DNAJA1: variants seen among roughly 807,000 people sequenced by gnomAD.
DNAJA1 encodes the protein DnaJ heat shock protein family (Hsp40) member A1, also known as dnaJ homolog subfamily A member 1.
DNAJA1 carries 26 observed loss-of-function variants against 47.6 expected under a neutral mutation model. The observed-to-expected ratio is 0.55, with a 90% CI of 0.40 to 0.76. DNAJA1 has a LOEUF of 0.76. DNAJA1 is among the 30% of genes least tolerant of loss of function. The pLI is 0.00. For synonymous variants in DNAJA1, 165 were observed against 158.4 expected (o/e 1.04, Z -0.31); for missense variants, 315 against 485.0 (o/e 0.65, Z 3.29).
chr9:33,025,420 G>C (rs2297217), intron 1 of DNAJA1, 37 bp downstream of exon 1: 30,460 of 152,546 alleles, frequency 0.2, 3,260 homozygotes, highest in Middle Eastern at 0.3. Flanking sequence ...TAGTCCCCTG[G>C]CTGGCGCCAT....
At chr9:33,026,719 C>T (rs1838868017) in intron 2 of DNAJA1, 94 bp from the exon 3 acceptor site, 25 of 1,563,748 alleles carry the variant, frequency 1.6e-5, no homozygotes, top group Non-Finnish European at 2.2e-5. Flanking sequence ...TAACTATGAT[C>T]ACTTCTCGGC....
chr9:33,030,755 A>G (rs571401003), intron 5 of DNAJA1, 88 bp downstream of exon 5: 1 of 1,115,814 alleles, frequency 9.0e-7, no homozygotes, highest in East Asian at 2.6e-5. Flanking sequence ...ATCATTCTTA[A>G]TTAGGTTATA....
intron 4 of DNAJA1, among the ~76,000 whole-genome samples, chr9:33,030,193 T>G (rs1838938840): frequency 6.6e-6 from 1 of 152,176 alleles, no homozygotes; most frequent in Non-Finnish European, 1.5e-5. Flanking sequence ...TCTGTGTATA[T>G]TTTAAATACA....
intron 5 of DNAJA1, among the ~76,000 whole-genome samples, chr9:33,033,243 T>C (rs905680802): frequency 5.3e-5 from 8 of 151,958 alleles, no homozygotes; most frequent in African/African-American, 1.9e-4. Context: ...CCACATGGGC[T>C]AAGGGAGTGT....
intron 5 of DNAJA1, among the ~76,000 whole-genome samples, chr9:33,031,953 A>G (rs1838969024): frequency 6.6e-6 from 1 of 152,166 alleles, no homozygotes; most frequent in African/African-American, 2.4e-5. Context: ...ACTCTTGTCA[A>G]CTTGCAAAAA....
intron 3 of DNAJA1, among the ~76,000 whole-genome samples, chr9:33,029,310 G>A (rs564065574): frequency 6.6e-6 from 1 of 152,276 alleles, no homozygotes; most frequent in South Asian, 2.1e-4. Flanking sequence ...GAGAAATTTG[G>A]CCTTCAAAAC....
In DNAJA1 at chr9:33,030,658, A is replaced by G; in HGVS notation, c.634A>G (p.Ile212Val). The stretch of plus-strand genomic sequence containing the variant: ...AGAGAAGAAAATTTTAGAAGTTCAT[A>G]TTGACAAAGGTGAGTTCTGAGTTAC... ...VREKKILEVH[I>V]DKGMKDGQKI... is the part of the protein sequence containing the mutation. The change falls in exon 5 of 9, where the codon ATT (isoleucine) becomes GTT (valine). Residue 212 changes from isoleucine to valine, a missense_variant. Ile to Val is a conservative substitution (Grantham distance 29). Around this residue, in one of 4 missense-constraint regions of DNAJA1, gnomAD observed 45 missense variants for 93.3 expected, o/e 0.48. Transcript: ENST00000330899. 6 of 1,611,694 alleles carry G rather than the reference A, an allele frequency of 3.7e-6. No homozygotes were observed. Among genetic ancestry groups the G allele is most frequent in the African/African-American group, 1.3e-5 (1 of 75,046 alleles).
rs575818060 is a variant in DNAJA1 at position 33,027,248 on chromosome 9, C to T, written c.310+258C>T. On this transcript the variant is annotated intron_variant, in intron 3 of 8. Coordinates refer to ENST00000330899, the MANE Select transcript of DNAJA1 (RefSeq NM_001539.4). ...TCAGCTCACAGCAACCTCCACCTCCCGGGTTCAAGCGATTCTCCTGCCTCA... is the reference window on the plus strand; with the variant it reads ...TCAGCTCACAGCAACCTCCACCTCCTGGGTTCAAGCGATTCTCCTGCCTCA... Among the ~76,000 whole-genome samples, 172 of 151,730 alleles carry T rather than the reference C, an allele frequency of 1.1e-3. 1 individual carries two copies. Among genetic ancestry groups the T allele is most frequent in the South Asian group, 0.011 (51 of 4,802 alleles).
chr9:33,034,037 G>GT (rs1473192334), intron 5 of DNAJA1, among the ~76,000 whole-genome samples, 179 bp from the exon 6 acceptor site: 9 of 152,210 alleles, frequency 5.9e-5, no homozygotes, highest in Admixed American at 2.0e-4. Flanking sequence ...TGCCTCTGGA[G>GT]TTTGTGTTCT....
At position 33,030,675 on chromosome 9, in the gene DNAJA1, C is replaced by A. The variant is rs1212753408; in HGVS notation, c.643+8C>A. 1.9e-6 allele frequency: 3 copies of A among 1,602,608 alleles called. No individual in the cohort carries two copies. The highest frequency in any genetic ancestry group is 2.2e-5 in the South Asian group (2 of 89,460). ...AAGTTCATATTGACAAAGGTGAGTTCTGAGTTACTTATTCTGAAGTCTTGA... is the reference window on the plus strand; with the variant it reads ...AAGTTCATATTGACAAAGGTGAGTTATGAGTTACTTATTCTGAAGTCTTGA... On this transcript the variant is annotated splice_region_variant and intron_variant, in intron 5 of 8. Coordinates refer to ENST00000330899, the MANE Select transcript of DNAJA1 (RefSeq NM_001539.4).
intron 3 of DNAJA1, 152 bp from the exon 4 acceptor site, chr9:33,029,733 C>T (rs1019778790): frequency 2.0e-6 from 1 of 507,506 alleles, no homozygotes; most frequent in African/African-American, 2.0e-5. Context: ...TCTGTGATAA[C>T]GTGAACATTC....
intron 5 of DNAJA1, among the ~76,000 whole-genome samples, chr9:33,032,970 A>C (rs555111623): frequency 4.5e-4 from 68 of 152,194 alleles, no homozygotes; most frequent in Non-Finnish European, 9.1e-4. Flanking sequence ...AATATTTTCC[A>C]TACGTAAAGG....
chr9:33,027,552 A>G (rs1838892604), intron 3 of DNAJA1, among the ~76,000 whole-genome samples: 1 of 152,062 alleles, frequency 6.6e-6, no homozygotes, highest in Non-Finnish European at 1.5e-5. Flanking sequence ...CTTAGATATT[A>G]TCAAACAAAT....
intron 5 of DNAJA1, 22 bp from the exon 6 acceptor site, chr9:33,034,194 A>C (rs978075545): frequency 1.6e-5 from 24 of 1,515,730 alleles, no homozygotes; most frequent in Non-Finnish European, 2.1e-5. Context: ...ATAAAAGTAC[A>C]AAATTAATGT....
In DNAJA1 at chr9:33,037,041, A is replaced by C; in HGVS notation, c.901A>C (p.Lys301Gln). The stretch of plus-strand genomic sequence containing the variant: ...TCAGATTGTCAAGCATGGAGATATC[A>C]AGTGTGTACTAAATGAAGGCATGCC... Reference protein sequence around the residue: ...PGQIVKHGDIKCVLNEGMPIY... With the variant: ...PGQIVKHGDIQCVLNEGMPIY... Residue 301 changes from lysine (K) to glutamine (Q), a missense_variant, in exon 8 of 9, where the codon AAG (lysine) becomes CAG (glutamine). Lys to Gln is a moderately conservative substitution (Grantham distance 53). This residue lies in a region of DNAJA1 where 162 missense variants were observed against 185.4 expected (regional missense o/e 0.87). Coordinates refer to ENST00000330899, the MANE Select transcript of DNAJA1 (RefSeq NM_001539.4). 5 of 1,612,892 alleles carry C rather than the reference A, an allele frequency of 3.1e-6. No homozygotes were observed. The highest frequency in any genetic ancestry group is 4.2e-6 in the Non-Finnish European group (5 of 1,179,778).
At chr9:33,027,884 C>G (rs1838898236) in intron 3 of DNAJA1, among the ~76,000 whole-genome samples, 1 of 151,612 alleles carries the variant, frequency 6.6e-6, no homozygotes, top group African/African-American at 2.4e-5. Context: ...ATTAGCCAGG[C>G]ATGGTGGTGC....
intron 3 of DNAJA1, among the ~76,000 whole-genome samples, chr9:33,027,649 C>G (rs1046904095): frequency 2.6e-5 from 4 of 151,910 alleles, no homozygotes; most frequent in Non-Finnish European, 5.9e-5. Context: ...GGTCAGGGTT[C>G]GAGACCAGCC....
rs1300604073 is a variant in DNAJA1 at position 33,039,057 on chromosome 9, A to G, written c.*154A>G. 4.0e-6 allele frequency: 3 copies of G among 748,018 alleles called. No homozygotes were observed. Among genetic ancestry groups the G allele is most frequent in the Admixed American group, 5.7e-5 (2 of 34,786 alleles). The allele number at this position is 748,018 out of a possible 1,614,324, so 46.3% of individuals were successfully genotyped here. ...AGTTAAATGAAGAATAAACGCAAAT[A>G]TAAAAGCTCTGATTTTGCCCTGTAT... is the stretch of plus-strand genomic sequence containing the variant. On this transcript the variant is annotated 3_prime_UTR_variant, in exon 9 of 9. Transcript: ENST00000330899.
At chr9:33,030,736 T>G in intron 5 of DNAJA1, 69 bp downstream of exon 5, 4 of 1,313,954 alleles carry the variant, frequency 3.0e-6, no homozygotes, top group South Asian at 2.7e-5. Context: ...ATTTTATAAT[T>G]GTTTAAAAAT....
Sources: allele counts gnomAD v4.1 joint callset (sites outside exome capture counted in the v4.1 genomes callset), GRCh38; gene constraint gnomAD v4.1.1; regional missense constraint gnomAD v4.1.1; transcripts MANE v1.5; gene names NCBI Gene and HGNC (gene_info 2026-07-23, HGNC 2026-07-21).